The following VRK1 variants were observed in gnomAD, a reference collection of about 807,000 sequenced individuals.
The protein encoded by VRK1 is VRK serine/threonine kinase 1.
VRK1 carries 33 observed loss-of-function variants against 57.1 expected under a neutral mutation model. The observed-to-expected ratio is 0.58, with a 90% CI of 0.44 to 0.77. The LOEUF is 0.77. Ranked by LOEUF, VRK1 falls within the 30% of genes least tolerant of loss-of-function variation. The pLI is 0.00. For missense variants in VRK1, 413 were observed against 477.3 expected (o/e 0.87, Z 1.25); for synonymous variants, 137 against 147.8 (o/e 0.93, Z 0.53).
chr14:96,840,405 G>A (rs1006645380), intron 3 of VRK1, among the ~76,000 whole-genome samples: 1 of 152,152 alleles, frequency 6.6e-6, no homozygotes, highest in Non-Finnish European at 1.5e-5. Flanking sequence ...TGCCTTTCAA[G>A]TTGTGTCAAA....
At chr14:96,872,044 AT>A (rs1464792719) in intron 11 of VRK1, among the ~76,000 whole-genome samples, 2 of 152,136 alleles carry the variant, frequency 1.3e-5, no homozygotes, top group Non-Finnish European at 2.9e-5. Flanking sequence ...ACCTCAAGTG[AT>A]CCACCCACCT....
At chr14:96,801,144 G>A (rs1457725921) in intron 1 of VRK1, among the ~76,000 whole-genome samples, 1 of 152,124 alleles carries the variant, frequency 6.6e-6, no homozygotes, top group Non-Finnish European at 1.5e-5. Context: ...CGGCAGATAT[G>A]TCTGCTCTAG....
intron 5 of VRK1, among the ~76,000 whole-genome samples, chr14:96,852,573 A>G (rs181565203): frequency 6.4e-4 from 98 of 152,284 alleles, no homozygotes; most frequent in African/African-American, 2.3e-3. Flanking sequence ...CTCTGTGAGC[A>G]TTATCTTAAA....
chr14:96,815,347 A>G (rs1886352454), intron 1 of VRK1, among the ~76,000 whole-genome samples: 1 of 152,208 alleles, frequency 6.6e-6, no homozygotes, highest in African/African-American at 2.4e-5. Flanking sequence ...GGATGCAGAT[A>G]AATGTATTTT....
intron 11 of VRK1, among the ~76,000 whole-genome samples, chr14:96,874,001 A>C (rs550197768): frequency 6.6e-6 from 1 of 152,174 alleles, no homozygotes; most frequent in Non-Finnish European, 1.5e-5. Context: ...ATTTACCTGC[A>C]TGGAGATTAA....
rs1888004774 is a variant in VRK1 at position 96,852,878 on chromosome 14, T to C, written c.422T>C (p.Ile141Thr). ...CGCTTTGGGAGTGACCTTCAGAAAA[T>C]ATATGAAGCAAATGCCAAAAGGTTT... is the stretch of plus-strand genomic sequence containing the variant. ...MDRFGSDLQK[I>T]YEANAKRFSR... Residue 141 changes from isoleucine to threonine, a missense_variant, in exon 6 of 13, where the codon ATA becomes ACA. By Grantham distance (89) the Ile-to-Thr change is moderately conservative. This residue lies in a region of VRK1 where 151 missense variants were observed against 225.5 expected (regional missense o/e 0.67). Transcript: ENST00000216639. The C allele has an allele frequency of 1.2e-6, 2 of 1,613,864 alleles. No homozygotes were observed. Among genetic ancestry groups the C allele is most frequent in the Non-Finnish European group, 1.7e-6 (2 of 1,179,836 alleles).
intron 1 of VRK1, among the ~76,000 whole-genome samples, chr14:96,832,631 A>G (rs1887052400): frequency 6.6e-6 from 1 of 152,172 alleles, no homozygotes; most frequent in African/African-American, 2.4e-5. Context: ...TTTTCACAAT[A>G]AAACACTGCT....
intron 5 of VRK1, among the ~76,000 whole-genome samples, chr14:96,851,961 T>TG (rs1887967700): frequency 6.6e-6 from 1 of 152,222 alleles, no homozygotes; most frequent in Non-Finnish European, 1.5e-5. Context: ...ATTCTGAGTG[T>TG]GGTTTTGATT....
chr14:96,799,919 G>GTT (rs1482410469), intron 1 of VRK1, among the ~76,000 whole-genome samples: 1 of 148,276 alleles, frequency 6.7e-6, no homozygotes, highest in Non-Finnish European at 1.5e-5. Flanking sequence ...GCTGAAGCAA[G>GTT]TTTTCTTTGT....
chr14:96,856,381 A>G (rs1351221610), intron 9 of VRK1, 131 bp downstream of exon 9: 7 of 1,383,586 alleles, frequency 5.1e-6, no homozygotes, highest in Non-Finnish European at 7.0e-6. Flanking sequence ...TTAAACAGTA[A>G]GGTTCCTTGG....
intron 3 of VRK1, among the ~76,000 whole-genome samples, chr14:96,838,889 T>C (rs146861190): frequency 6.7e-6 from 1 of 150,118 alleles, no homozygotes; most frequent in East Asian, 1.9e-4. Context: ...TTTAAAAAAA[T>C]TGAGGCATGA....
Position 96,831,811 on chromosome 14 carries a change from G to A in VRK1, c.-5-1656G>A, listed in dbSNP as rs1887016267. On this transcript the variant is annotated intron_variant, in intron 1 of 12. Transcript: ENST00000216639. The stretch of plus-strand genomic sequence containing the variant: ...GATTACTCTGATGATTTGATAAAGT[G>A]GGTTGAAATTCAGAAGGGCATCTGT... Among the ~76,000 whole-genome samples, 3 of 152,122 alleles carry A rather than the reference G, an allele frequency of 2.0e-5. No individual in the cohort carries two copies. The South Asian group carries it at 6.2e-4, about 32-fold the overall frequency.
chr14:96,828,733 G>A (rs1886894894), intron 1 of VRK1, among the ~76,000 whole-genome samples: 1 of 151,966 alleles, frequency 6.6e-6, no homozygotes, highest in Non-Finnish European at 1.5e-5. Context: ...TGAGTATGTG[G>A]TATACCAGCT....
At chr14:96,860,889 G>T in intron 11 of VRK1, 154 bp downstream of exon 11, 1 of 646,576 alleles carries the variant, frequency 1.5e-6, no homozygotes, top group Non-Finnish European at 2.6e-6. Context: ...ATGTGTAGAG[G>T]GTTGTAGAAA....
chr14:96,844,882 C>T (rs1373966017), intron 3 of VRK1, among the ~76,000 whole-genome samples: 1 of 152,114 alleles, frequency 6.6e-6, no homozygotes, highest in Non-Finnish European at 1.5e-5. Flanking sequence ...TTCCTATTTT[C>T]TGAATTATAA....
intron 1 of VRK1, among the ~76,000 whole-genome samples, chr14:96,804,701 A>T (rs1885801126): frequency 1.3e-5 from 2 of 152,230 alleles, no homozygotes; most frequent in African/African-American, 4.8e-5. Flanking sequence ...TTGTTTTAGG[A>T]CCATTTGTGG....
intron 8 of VRK1, among the ~76,000 whole-genome samples, 154 bp downstream of exon 8, chr14:96,855,510 A>G (rs1477982419): frequency 6.6e-6 from 1 of 152,178 alleles, no homozygotes; most frequent in Non-Finnish European, 1.5e-5. Flanking sequence ...AGACTCCTAC[A>G]ATTGTATTCC....
intron 1 of VRK1, among the ~76,000 whole-genome samples, chr14:96,799,542 T>C (rs141418633): frequency 1.9e-4 from 29 of 152,340 alleles, no homozygotes; most frequent in African/African-American, 6.7e-4. Context: ...ATAAAACTTA[T>C]TTGGAAATGA....
Position 96,861,680 on chromosome 14 carries a change from A to C in VRK1, c.1068+945A>C, listed in dbSNP as rs910754913. Among the ~76,000 whole-genome samples the C allele has an allele frequency of 8.5e-5, 13 of 152,308 alleles. 1 individual carries two copies. The East Asian group carries it at 2.5e-3, about 29-fold the overall frequency. On this transcript the variant is annotated intron_variant, in intron 11 of 12. Transcript: ENST00000216639. ...ATAGGAATTTTGAAATTGGACCAAA[A>C]ATTTAACTTTGCCAAATAGCAGGTC...
Sources: allele counts gnomAD v4.1 joint callset (sites outside exome capture counted in the v4.1 genomes callset), GRCh38; gene constraint gnomAD v4.1.1; regional missense constraint gnomAD v4.1.1; transcripts MANE v1.5; gene names NCBI Gene and HGNC (gene_info 2026-07-23, HGNC 2026-07-21).